RPAP1: variants seen among roughly 807,000 people sequenced by gnomAD.
The protein encoded by RPAP1 is RNA polymerase II-associated protein 1.
RPAP1 carries 109 observed loss-of-function variants against 142.4 expected under a neutral mutation model. The ratio of observed to expected loss-of-function variants is 0.77; its 90% confidence interval spans 0.66 to 0.90. The LOEUF is 0.90. RPAP1 is among the 40% of genes least tolerant of loss of function. RPAP1 has a pLI of 0.00. For synonymous variants in RPAP1, 704 were observed against 738.9 expected, an observed-to-expected ratio of 0.95 and a Z score of 0.77; for missense variants, 1,546 against 1,751.7, an observed-to-expected ratio of 0.88 and a Z score of 2.10.
At chr15:41,544,027 G>A (rs993001842) in intron 1 of RPAP1, 192 bp downstream of exon 1, 1 of 152,342 alleles carries the variant, frequency 6.6e-6, no homozygotes, top group Non-Finnish European at 1.5e-5. Flanking sequence ...ACTCTACAAT[G>A]AGGAATCATC....
chr15:41,531,625 ATATTTTTTTTTTTTTTTTT>A (rs1223754646), intron 6 of RPAP1, among the ~76,000 whole-genome samples: 85 of 15,262 alleles, frequency 5.6e-3, no homozygotes, highest in African/African-American at 0.014. Flanking sequence ...ATATATATAT[ATATTTTTTTTTTTTTTTTT>A]TTTTTTTTTT....
In RPAP1 at chr15:41,527,566, A is replaced by G. The variant is rs1303958482; in HGVS notation, c.1468T>C (p.Leu490=). The G allele has an allele frequency of 8.7e-6, 14 of 1,614,102 alleles. No individual in the cohort carries two copies. In the East Asian group the frequency reaches 2.7e-4, roughly 31 times the overall value. ...TGGCTGGGCATCAGAGGGAACGTCAAAGCTCCATGGTACCAAGAGAAGGTG... is the reference window on the plus strand; with the variant it reads ...TGGCTGGGCATCAGAGGGAACGTCAGAGCTCCATGGTACCAAGAGAAGGTG... The part of the protein sequence containing the change: ...DSTFSWYHGA[L]TFPLMPSQED... The change falls in exon 12 of 25, where the codon TTG becomes CTG. Residue 490 remains leucine (L), a synonymous_variant. Transcript: ENST00000304330.
chr15:41,537,147 C>A lies in RPAP1; in HGVS notation c.-22G>T, dbSNP rs200663385. 1.2e-6 allele frequency: 2 copies of A among 1,608,516 alleles called. No individual in the cohort carries two copies. Among genetic ancestry groups the A allele is most frequent in the Non-Finnish European group, 1.7e-6 (2 of 1,177,278 alleles). On this transcript the variant is annotated 5_prime_UTR_variant, in exon 2 of 25. Coordinates refer to ENST00000304330, the MANE Select transcript of RPAP1 (RefSeq NM_015540.4). Reference sequence around the variant, plus strand: ...GCATCTTGCTGCTCCAGCTGCCTCCCCAGTACGACTCTCTCCAGCAGTGTC... The same window carrying A: ...GCATCTTGCTGCTCCAGCTGCCTCCACAGTACGACTCTCTCCAGCAGTGTC...
At chr15:41,519,049 T>C (rs2051698693) in intron 22 of RPAP1, among the ~76,000 whole-genome samples, 1 of 151,932 alleles carries the variant, frequency 6.6e-6, no homozygotes. Context: ...TCACCAGGTC[T>C]GGCTAATTTT....
chr15:41,528,192 G>T, intron 10 of RPAP1, 43 bp downstream of exon 10: 1 of 1,548,994 alleles, frequency 6.5e-7, no homozygotes, highest in Non-Finnish European at 8.8e-7. Context: ...AGGCTGTGGG[G>T]TGAAGGGAAG....
At chr15:41,523,084 C>G (rs1314212467) in intron 18 of RPAP1, 124 bp from the exon 19 acceptor site, 19 of 948,164 alleles carry the variant, frequency 2.0e-5, no homozygotes, top group South Asian at 3.7e-5. Context: ...GCTGCTCACA[C>G]TCCTCAGAGC....
intron 18 of RPAP1, 39 bp downstream of exon 18, chr15:41,523,206 C>A: frequency 7.2e-7 from 1 of 1,379,556 alleles, no homozygotes; most frequent in South Asian, 1.3e-5. Flanking sequence ...GAAATTGCCT[C>A]CTCCCCTGCT....
chr15:41,524,710 G>A (rs975383802), intron 15 of RPAP1, among the ~76,000 whole-genome samples: 1 of 152,066 alleles, frequency 6.6e-6, no homozygotes, highest in African/African-American at 2.4e-5. Flanking sequence ...TCCTGACTTC[G>A]TGATACGCCT....
At chr15:41,540,489 C>T (rs2051961835) in intron 1 of RPAP1, among the ~76,000 whole-genome samples, 2 of 152,082 alleles carry the variant, frequency 1.3e-5, no homozygotes, top group African/African-American at 4.8e-5. Context: ...TTAGTAGAGA[C>T]TGGGTTTCTC....
At position 41,525,022 on chromosome 15, in the gene RPAP1, C is replaced by G. The variant is rs1417827692; in HGVS notation, c.2044G>C (p.Ala682Pro). ...TEALRLWAVAASYGQGGYLYR... is the reference protein window; with the variant it reads ...TEALRLWAVAPSYGQGGYLYR... The stretch of plus-strand genomic sequence containing the variant: ...AGGTAACCGCCCTGGCCATAGGAGG[C>G]AGCCACAGCCCACAGACGGAGGGCC... The change falls in exon 15 of 25, where the codon GCC becomes CCC. Residue 682 changes from alanine to proline, a missense_variant. By Grantham distance (27) the Ala-to-Pro change is conservative. Around this residue, in one of 3 missense-constraint regions of RPAP1, gnomAD observed 1,333 missense variants for 1,486.6 expected, o/e 0.90. Transcript: ENST00000304330. 1 of 1,613,942 alleles carries G rather than the reference C, an allele frequency of 6.2e-7. No individual in the cohort carries two copies. Among genetic ancestry groups the G allele is most frequent in the Admixed American group, 1.7e-5 (1 of 60,016 alleles).
chr15:41,522,689 C>A, intron 19 of RPAP1, 76 bp downstream of exon 19: 1 of 867,370 alleles, frequency 1.2e-6, no homozygotes, highest in Non-Finnish European at 1.7e-6. Flanking sequence ...CGCGCCCATC[C>A]CACCCTCCCA....
At chr15:41,536,265 C>T in intron 3 of RPAP1, 47 bp from the exon 4 acceptor site, 1 of 1,566,274 alleles carries the variant, frequency 6.4e-7, no homozygotes, top group Non-Finnish European at 8.8e-7. Context: ...GAGAAACTTC[C>T]CCAGGCTGGA....
Position 41,522,099 on chromosome 15 carries a change from G to A in RPAP1, c.2894C>T (p.Ala965Val), listed in dbSNP as rs2076955. ...QYLALALAQK[A>V]AALQPLPATH... The stretch of plus-strand genomic sequence containing the variant: ...AACCTGTCAGACAGGGGGACCTACC[G>A]CTTTCTGGGCCAGAGCGAGTGCCAG... The change falls in exon 20 of 25, where the codon GCG (alanine) becomes GTG (valine). Residue 965 changes from alanine to valine, a missense_variant and splice_region_variant. Physicochemically the swap from Ala to Val is moderately conservative, Grantham distance 64. Coordinates refer to ENST00000304330, the MANE Select transcript of RPAP1 (RefSeq NM_015540.4). 2,877 of 1,613,090 alleles carry A rather than the reference G, an allele frequency of 1.8e-3. 67 individuals carry two copies. The Admixed American group carries it at 0.041, about 23-fold the overall frequency.
At chr15:41,526,394 G>A (rs2051790923) in intron 14 of RPAP1, among the ~76,000 whole-genome samples, 1 of 152,162 alleles carries the variant, frequency 6.6e-6, no homozygotes, top group Non-Finnish European at 1.5e-5. Flanking sequence ...CTACAGTCAT[G>A]TGCTACCACA....
rs1437898153 is a variant in RPAP1, at chr15:41,522,897, G to A, written c.2610C>T (p.Leu870=). The change falls in exon 19 of 25, where the codon CTC becomes CTT. Residue 870 remains leucine (L), a synonymous_variant. Transcript: ENST00000304330. The part of the protein sequence containing the change: ...CVPALEAPPS[L]VSLGCSGGCP... ...AGCCTCCCGAGCAGCCCAGTGACAC[G>A]AGGCTGGGGGGAGCTTCAAGGGCTG... is the stretch of plus-strand genomic sequence containing the variant. 7.6e-6 allele frequency: 12 copies of A among 1,571,962 alleles called. No homozygotes were observed. Among genetic ancestry groups the A allele is most frequent in the African/African-American group, 1.4e-5 (1 of 71,844 alleles).
rs1231262730 is a variant in RPAP1 at position 41,534,821 on chromosome 15, T to G, written c.656A>C (p.Glu219Ala). ...LVTGKGLRDQ[E>A]AEQEAQTIHE... is the part of the protein sequence containing the mutation. Reference sequence around the variant, plus strand: ...GATAGTCTGGGCTTCCTGCTCAGCTTCTTGATCCCTGAGCCCCTTCCCTGT... The same window carrying G: ...GATAGTCTGGGCTTCCTGCTCAGCTGCTTGATCCCTGAGCCCCTTCCCTGT... Residue 219 changes from glutamate to alanine, a missense_variant, in exon 6 of 25, where the codon GAA becomes GCA. Glu to Ala is a moderately radical substitution (Grantham distance 107). Around this residue, in one of 3 missense-constraint regions of RPAP1, gnomAD observed 1,333 missense variants for 1,486.6 expected, o/e 0.90. Coordinates refer to ENST00000304330, the MANE Select transcript of RPAP1 (RefSeq NM_015540.4). 1 of 1,613,966 alleles carries G rather than the reference T, an allele frequency of 6.2e-7. No individual in the cohort carries two copies.
intron 8 of RPAP1, 46 bp from the exon 9 acceptor site, chr15:41,529,614 C>T (rs781364797): frequency 9.0e-6 from 12 of 1,339,696 alleles, no homozygotes; most frequent in Middle Eastern, 3.6e-4. Flanking sequence ...CTCCAGCAAC[C>T]TTCCCACACC....
In RPAP1 at chr15:41,537,030, C is replaced by T. The variant is rs1595488934; in HGVS notation, c.96G>A (p.Leu32=). ...LAAGAAPAVQ[L]VKKGNRGGGD... The stretch of plus-strand genomic sequence containing the variant: ...CACCGCCCCTATTTCCTTTCTTCAC[C>T]AACTGCACTGCTGGGGCTGCACCAG... Residue 32 remains leucine, a synonymous_variant, in exon 2 of 25, where the codon TTG becomes TTA. Coordinates refer to ENST00000304330, the MANE Select transcript of RPAP1 (RefSeq NM_015540.4). 6.2e-7 allele frequency: 1 copy of T among 1,614,034 alleles called. No homozygotes were observed. The highest frequency in any genetic ancestry group is 1.1e-5 in the South Asian group (1 of 91,076).
chr15:41,527,378 G>C (rs1159004976), intron 12 of RPAP1, 45 bp downstream of exon 12: 1 of 1,613,174 alleles, frequency 6.2e-7, no homozygotes. Flanking sequence ...TCCAGCATGT[G>C]CTTGTCCCCT....
Sources: gnomAD v4.1 joint callset for allele counts (sites outside exome capture counted in the v4.1 genomes callset) on GRCh38, gnomAD v4.1.1 for gene constraint, gnomAD v4.1.1 regional missense constraint, MANE v1.5 for transcripts, NCBI Gene and HGNC (gene_info 2026-07-23, HGNC 2026-07-21) for gene names.